Variants in CCNY observed in about 807,000 individuals in gnomAD.
The protein encoded by CCNY is cyclin Y, also known as cyclin-Y.
Under a neutral mutation model 42.8 loss-of-function variants are expected in CCNY, and 19 were observed. That is an observed-to-expected ratio of 0.44 (90% confidence interval 0.31 to 0.65). The LOEUF (loss-of-function observed/expected upper bound fraction) is 0.65, where lower values mean the gene tolerates loss of function less well. Ranked by LOEUF, CCNY falls within the 30% of genes least tolerant of loss-of-function variation. The probability of loss-of-function intolerance (pLI) is 0.07; values close to 1 mark genes in which losing one functional copy is unlikely to be tolerated. For missense variants in CCNY, 370 were observed against 437.3 expected, an observed-to-expected ratio of 0.85 and a Z score of 1.37; for synonymous variants, 165 against 162.7, an observed-to-expected ratio of 1.01 and a Z score of -0.11.
intron 3 of CCNY, among the ~76,000 whole-genome samples, chr10:35,278,897 C>T (rs1589013856): frequency 6.6e-6 from 1 of 152,008 alleles, no homozygotes; most frequent in African/African-American, 2.4e-5. Flanking sequence ...CTCCAGCTGC[C>T]CTCTCTCTCT....
chr10:35,448,516 C>T (rs936419548), intron 1 of CCNY, among the ~76,000 whole-genome samples: 32 of 152,200 alleles, frequency 2.1e-4, no homozygotes, highest in Admixed American at 9.8e-4. Flanking sequence ...AAAATGGTGC[C>T]TGCCATGTAA....
At chr10:35,312,247 G>C (rs1042309772) in intron 3 of CCNY, among the ~76,000 whole-genome samples, 13 of 151,502 alleles carry the variant, frequency 8.6e-5, no homozygotes, top group African/African-American at 3.2e-4. Flanking sequence ...CGGGTGTGGT[G>C]GTGGGCACCT....
chr10:35,361,700 A>G (rs1321590895), intron 1 of CCNY, among the ~76,000 whole-genome samples: 1 of 152,242 alleles, frequency 6.6e-6, no homozygotes, highest in Non-Finnish European at 1.5e-5. Flanking sequence ...TTAAGCATCT[A>G]CTGAGAACCA....
chr10:35,408,502 A>G (rs1183672726), intron 1 of CCNY, among the ~76,000 whole-genome samples: 2 of 147,324 alleles, frequency 1.4e-5, no homozygotes, highest in Non-Finnish European at 3.0e-5. Context: ...CACATTCTCA[A>G]GGGCGGGGAG....
intron 3 of CCNY, among the ~76,000 whole-genome samples, chr10:35,287,525 C>A (rs1239723580): frequency 6.6e-6 from 1 of 152,148 alleles, no homozygotes; most frequent in Non-Finnish European, 1.5e-5. Context: ...AAATACTGAT[C>A]TGTTTTCTTT....
Position 35,439,555 on chromosome 10 carries a change from G to T in CCNY, c.155-43849G>T, listed in dbSNP as rs1287876033. Among the ~76,000 whole-genome samples, 4 of 151,840 alleles carry T rather than the reference G, an allele frequency of 2.6e-5. No individual in the cohort carries two copies. In the East Asian group the frequency reaches 7.7e-4, roughly 29 times the overall value. The stretch of plus-strand genomic sequence containing the variant: ...CTCTCTTTTTTTTTGTTTCAAGTGT[G>T]TGTGTGTGTGTGTGTCCTTGTTCAT... On this transcript the variant is annotated intron_variant, in intron 1 of 9. Coordinates refer to ENST00000374704, the MANE Select transcript of CCNY (RefSeq NM_145012.6).
At chr10:35,321,030 T>A (rs1366534852) in intron 3 of CCNY, 1 of 150,536 alleles carries the variant, frequency 6.6e-6, no homozygotes, top group Non-Finnish European at 1.5e-5. Flanking sequence ...ACAGGAGGAC[T>A]GCTTGAGCTC....
chr10:35,566,037 G>A lies in CCNY; in HGVS notation c.761G>A (p.Arg254Gln). 1.9e-6 allele frequency: 3 copies of A among 1,613,802 alleles called. No homozygotes were observed. The highest frequency in any genetic ancestry group is 2.5e-6 in the Non-Finnish European group (3 of 1,179,900). Residue 254 changes from arginine (R) to glutamine (Q), a missense_variant, in exon 9 of 10, where the codon CGA becomes CAA. By Grantham distance (43) the Arg-to-Gln change is conservative. Coordinates refer to ENST00000374704, the MANE Select transcript of CCNY (RefSeq NM_145012.6). Reference protein sequence around the residue: ...ITVEDMNELERQFLELLQFNI... With the variant: ...ITVEDMNELEQQFLELLQFNI... Reference sequence around the variant, plus strand: ...TTGCTTTGCAGGAACGAGCTAGAGCGACAGTTTCTTGAATTGCTGCAGTTC... The same window carrying A: ...TTGCTTTGCAGGAACGAGCTAGAGCAACAGTTTCTTGAATTGCTGCAGTTC...
At chr10:35,329,219 T>A (rs984186541) in intron 3 of CCNY, among the ~76,000 whole-genome samples, 4 of 152,182 alleles carry the variant, frequency 2.6e-5, no homozygotes, top group Non-Finnish European at 4.4e-5. Flanking sequence ...ATTCCTTTTA[T>A]AGAAATGAGC....
intron 1 of CCNY, among the ~76,000 whole-genome samples, chr10:35,347,231 A>T (rs1589049971): frequency 6.6e-6 from 1 of 152,274 alleles, no homozygotes; most frequent in East Asian, 1.9e-4. Context: ...TGCTCAGCAG[A>T]GATGTGTGAG....
At chr10:35,535,003 G>A (rs28366925) in intron 7 of CCNY, among the ~76,000 whole-genome samples, 28 of 23,356 alleles carry the variant, frequency 1.2e-3, no homozygotes, top group Middle Eastern at 0.026. Context: ...ATATATATGT[G>A]TGTGTGTGTG....
intron 1 of CCNY, among the ~76,000 whole-genome samples, chr10:35,399,301 T>G (rs1031632596): frequency 6.7e-5 from 1 of 15,032 alleles, no homozygotes; most frequent in South Asian, 2.0e-3. Flanking sequence ...GGCTGCTAAC[T>G]CTTGGCTTGA....
At chr10:35,399,769 C>A (rs1589091803) in intron 1 of CCNY, among the ~76,000 whole-genome samples, 1 of 152,178 alleles carries the variant, frequency 6.6e-6, no homozygotes, top group South Asian at 2.1e-4. Flanking sequence ...TAACTGGACT[C>A]CCCCTTAGCA....
chr10:35,420,473 G>T (rs1349470428), intron 1 of CCNY, among the ~76,000 whole-genome samples: 1 of 152,166 alleles, frequency 6.6e-6, no homozygotes, highest in South Asian at 2.1e-4. Flanking sequence ...GGCACAGGTA[G>T]CTTTTCAGTG....
chr10:35,463,404 C>G (rs1205638219), intron 1 of CCNY, among the ~76,000 whole-genome samples: 1 of 152,190 alleles, frequency 6.6e-6, no homozygotes, highest in Non-Finnish European at 1.5e-5. Flanking sequence ...AATATGCTAA[C>G]TCAGGTGATC....
At chr10:35,360,541 C>T (rs985363564) in intron 1 of CCNY, among the ~76,000 whole-genome samples, 1 of 152,014 alleles carries the variant, frequency 6.6e-6, no homozygotes, top group Non-Finnish European at 1.5e-5. Context: ...CTTGGCCTCC[C>T]AAAGTGCTGG....
upstream of CCNY, among the ~76,000 whole-genome samples, chr10:35,335,474 C>T (rs1324411303): frequency 6.6e-6 from 1 of 152,034 alleles, no homozygotes; most frequent in Non-Finnish European, 1.5e-5. Flanking sequence ...TATTTCACAG[C>T]TTAAAGCAAG....
chr10:35,389,439 C>CTTTTTTTTTTTTTTTTTTTTTTTTTTTT (rs1365155125), intron 1 of CCNY, among the ~76,000 whole-genome samples: 1 of 120,568 alleles, frequency 8.3e-6, no homozygotes, highest in African/African-American at 3.2e-5. Flanking sequence ...GAAAACTGTG[C>CTTTTTTTTTTTTTTTTTTTTTTTTTTTT]TTTTTTTTTT....
At chr10:35,516,980 G>T (rs1311868886) in intron 4 of CCNY, among the ~76,000 whole-genome samples, 1 of 151,914 alleles carries the variant, frequency 6.6e-6, no homozygotes, top group Non-Finnish European at 1.5e-5. Context: ...AAGCCATCCT[G>T]GCATAACTCC....
Sources: allele counts gnomAD v4.1 joint callset (sites outside exome capture counted in the v4.1 genomes callset), GRCh38; gene constraint gnomAD v4.1.1; transcripts MANE v1.5; gene names NCBI Gene and HGNC (gene_info 2026-07-23, HGNC 2026-07-21).